The following DDX46 variants were observed in gnomAD, a reference collection of about 807,000 sequenced individuals.
DDX46 encodes the protein probable ATP-dependent RNA helicase DDX46.
A neutral mutation model predicts 134.9 loss-of-function variants in DDX46; 30 were observed. The ratio of observed to expected loss-of-function variants is 0.22; its 90% confidence interval spans 0.17 to 0.30. The LOEUF (loss-of-function observed/expected upper bound fraction) is 0.30, where lower values mean the gene tolerates loss of function less well. Ranked by LOEUF, DDX46 falls within the 10% of genes least tolerant of loss-of-function variation. The probability of loss-of-function intolerance (pLI) is 1.00; values close to 1 mark genes in which losing one functional copy is unlikely to be tolerated. For synonymous variants in DDX46, 415 were observed against 404.1 expected (o/e 1.03, Z -0.32); for missense variants, 622 against 1,248.7 (o/e 0.50, Z 7.56).
At chr5:134,768,161 A>G (rs1173319396) in intron 3 of DDX46, among the ~76,000 whole-genome samples, 4 of 151,142 alleles carry the variant, frequency 2.6e-5, no homozygotes, top group Non-Finnish European at 4.4e-5. Context: ...CCTGGCTGGA[A>G]TGCAGTGGTG....
intron 21 of DDX46, among the ~76,000 whole-genome samples, chr5:134,824,962 A>G (rs561713454): frequency 2.4e-4 from 37 of 152,324 alleles, no homozygotes; most frequent in Non-Finnish European, 4.3e-4. Flanking sequence ...TCTTTTTACT[A>G]GTGGAGAATC....
intron 1 of DDX46, among the ~76,000 whole-genome samples, chr5:134,759,500 A>G (rs1753310918): frequency 6.6e-6 from 1 of 151,828 alleles, no homozygotes; most frequent in African/African-American, 2.4e-5. Context: ...GTATTTAAGC[A>G]GGTAACTTTG....
At chr5:134,828,608 T>A in intron 22 of DDX46, 51 bp from the exon 23 acceptor site, 8 of 1,289,456 alleles carry the variant, frequency 6.2e-6, no homozygotes, top group Non-Finnish European at 8.2e-6. Context: ...TTTTTTTTTG[T>A]TTTTTTTGTT....
chr5:134,820,129 C>T (rs953787546), intron 21 of DDX46, among the ~76,000 whole-genome samples: 1 of 152,012 alleles, frequency 6.6e-6, no homozygotes, highest in Admixed American at 6.6e-5. Flanking sequence ...ACCATGCTGG[C>T]CTGGCTGGTC....
intron 13 of DDX46, among the ~76,000 whole-genome samples, chr5:134,791,753 G>T (rs1414555281): frequency 6.6e-6 from 1 of 152,198 alleles, no homozygotes; most frequent in Non-Finnish European, 1.5e-5. Flanking sequence ...AAAATTTATT[G>T]CCAGTTATAT....
chr5:134,802,118 C>CTTT (rs577898544), intron 15 of DDX46, among the ~76,000 whole-genome samples: 1 of 144,476 alleles, frequency 6.9e-6, no homozygotes, highest in Non-Finnish European at 1.5e-5. Context: ...CTTTTTCAAC[C>CTTT]TTTTTTTTCC....
At chr5:134,816,116 CAT>C (rs1354106703) in intron 18 of DDX46, among the ~76,000 whole-genome samples, 1 of 152,200 alleles carries the variant, frequency 6.6e-6, no homozygotes, top group African/African-American at 2.4e-5. Flanking sequence ...CTTGAAAGCA[CAT>C]GTTTCCTCAT....
intron 1 of DDX46, 146 bp downstream of exon 1, chr5:134,759,101 G>C: frequency 7.7e-7 from 1 of 1,297,628 alleles, no homozygotes; most frequent in Non-Finnish European, 1.0e-6. Context: ...AGGGCTGGGG[G>C]ACCTCGGCTG....
chr5:134,811,286 T>C lies in DDX46; in HGVS notation c.2214T>C (p.Leu738=), dbSNP rs780261917. The change falls in exon 17 of 23, where the codon CTT becomes CTC. Residue 738 remains leucine, a synonymous_variant. Coordinates refer to ENST00000452510, the MANE Select transcript of DDX46 (RefSeq NM_001300860.2). ...ARYAGDIIKA[L]ELSGTAVPPD... is the part of the protein sequence containing the mutation. ...ATGCTGGTGACATAATTAAAGCTCT[T>C]GAATTGTCAGGGACTGCAGTACCTC... 1.2e-6 allele frequency: 2 copies of C among 1,614,086 alleles called. No individual in the cohort carries two copies. Among genetic ancestry groups the C allele is most frequent in the Non-Finnish European group, 1.7e-6 (2 of 1,179,984 alleles).
chr5:134,826,598 C>A (rs1479527129), intron 21 of DDX46: 1 of 168,034 alleles, frequency 6.0e-6, no homozygotes, highest in African/African-American at 2.4e-5. Context: ...TAAATACTTA[C>A]TAAATGAATA....
intron 11 of DDX46, 64 bp from the exon 12 acceptor site, chr5:134,788,449 C>A: frequency 7.6e-7 from 1 of 1,315,314 alleles, no homozygotes; most frequent in Non-Finnish European, 1.1e-6. Context: ...GAACTAAATG[C>A]AGTATTTTTT....
At chr5:134,811,655 G>GT (rs1193745772) in intron 17 of DDX46, 41 bp from the exon 18 acceptor site, 2 of 1,557,844 alleles carry the variant, frequency 1.3e-6, no homozygotes, top group African/African-American at 2.8e-5. Context: ...AAACATTAAA[G>GT]TTTTTACTAT....
chr5:134,765,941 G>A (rs1753554312), intron 2 of DDX46, among the ~76,000 whole-genome samples: 1 of 152,160 alleles, frequency 6.6e-6, no homozygotes, highest in South Asian at 2.1e-4. Flanking sequence ...TGACTTTTGG[G>A]TGTGAAAGTA....
chr5:134,795,106 G>T lies in DDX46; in HGVS notation c.1791+92G>T, dbSNP rs776228003. The T allele has an allele frequency of 2.0e-6, 3 of 1,474,090 alleles. No homozygotes were observed. The East Asian group carries it at 6.9e-5, about 34-fold the overall frequency. The allele number at this position is 1,474,090 out of a possible 1,614,324, so 91.3% of individuals were successfully genotyped here. On this transcript the variant is annotated intron_variant, in intron 14 of 22. Transcript: ENST00000452510. ...GATCACTGTTTGTGAGGTAGGCAAG[G>T]TAATTTCTAAAATCAAGTCGTATAC...
intron 4 of DDX46, among the ~76,000 whole-genome samples, chr5:134,772,272 T>G (rs905794490): frequency 6.6e-6 from 1 of 151,830 alleles, no homozygotes; most frequent in African/African-American, 2.4e-5. Flanking sequence ...GCCTGTAATC[T>G]CAGCAGTTCG....
intron 7 of DDX46, 134 bp downstream of exon 7, chr5:134,781,380 C>T (rs1754148750): frequency 2.9e-6 from 2 of 681,024 alleles, no homozygotes; most frequent in Non-Finnish European, 5.0e-6. Context: ...TCTTGCTATT[C>T]TTAGTAGTAT....
chr5:134,777,443 G>C, intron 5 of DDX46, 131 bp from the exon 6 acceptor site: 1 of 957,648 alleles, frequency 1.0e-6, no homozygotes, highest in Non-Finnish European at 1.5e-6. Context: ...TGAACTGATG[G>C]ATGGCTGGAG....
rs562930240 is a variant in DDX46, at chr5:134,758,817, G to C, written c.-122G>C. The stretch of plus-strand genomic sequence containing the variant: ...CCGCGCTGGGATGGCCGCCACAGCT[G>C]TAGGTGCTGCTAGTGTTTAGCGCTG... On this transcript the variant is annotated 5_prime_UTR_variant, in exon 1 of 23. Coordinates refer to ENST00000452510, the MANE Select transcript of DDX46 (RefSeq NM_001300860.2). 1.4e-6 allele frequency: 2 copies of C among 1,480,696 alleles called. No individual in the cohort carries two copies. Among genetic ancestry groups the C allele is most frequent in the South Asian group, 1.1e-5 (1 of 87,414 alleles). The allele number at this position is 1,480,696 out of a possible 1,614,324, so 91.7% of individuals were successfully genotyped here. A position where few individuals can be genotyped will look rare whatever the true frequency, so the allele number is the denominator to read the frequency against.
At chr5:134,780,422 G>A (rs916635417) in intron 6 of DDX46, among the ~76,000 whole-genome samples, 3 of 150,312 alleles carry the variant, frequency 2.0e-5, no homozygotes, top group South Asian at 2.1e-4. Flanking sequence ...AAAATTAGCC[G>A]GACTAGTGGC....
Sources: gnomAD v4.1 joint callset for allele counts (sites outside exome capture counted in the v4.1 genomes callset) on GRCh38, gnomAD v4.1.1 for gene constraint, MANE v1.5 for transcripts, NCBI Gene and HGNC (gene_info 2026-07-23, HGNC 2026-07-21) for gene names.